The following AK8 variants were observed in gnomAD, a reference collection of about 807,000 sequenced individuals.
The protein encoded by AK8 is adenylate kinase 8.
A neutral mutation model predicts 54.6 loss-of-function variants in AK8; 44 were observed. That is an observed-to-expected ratio of 0.81 (90% CI 0.63 to 1.04). The LOEUF (loss-of-function observed/expected upper bound fraction) is 1.04. Ranked by LOEUF, AK8 falls within the 50% of genes least tolerant of loss-of-function variation. AK8 has a pLI of 0.00. For synonymous variants in AK8, 239 were observed against 245.6 expected, an observed-to-expected ratio of 0.97 and a Z score of 0.25; for missense variants, 555 against 613.6, an observed-to-expected ratio of 0.90 and a Z score of 1.01.
At chr9:132,834,694 A>AT (rs1448373919) in intron 5 of AK8, among the ~76,000 whole-genome samples, 5 of 152,086 alleles carry the variant, frequency 3.3e-5, no homozygotes, top group African/African-American at 7.2e-5. Context: ...TGCAGGAGTG[A>AT]TTTTTCTAAA....
chr9:132,842,864 T>C (rs560679519), intron 5 of AK8, among the ~76,000 whole-genome samples: 73 of 152,356 alleles, frequency 4.8e-4, no homozygotes, highest in Non-Finnish European at 9.4e-4. Flanking sequence ...TGCTAGGGGC[T>C]GGAGGCCCCT....
chr9:132,823,056 A>C, intron 9 of AK8, 149 bp downstream of exon 9: 1 of 1,149,312 alleles, frequency 8.7e-7, no homozygotes, highest in Non-Finnish European at 1.2e-6. Context: ...GGACTAACAG[A>C]AAATGGTTAA....
Position 132,725,905 on chromosome 9 carries a change from G to A in AK8, c.1223C>T (p.Pro408Leu). 6.2e-7 allele frequency: 1 copy of A among 1,611,744 alleles called. No homozygotes were observed. Among genetic ancestry groups the A allele is most frequent in the Non-Finnish European group, 8.5e-7 (1 of 1,179,690 alleles). Residue 408 changes from proline to leucine, a missense_variant, in exon 13 of 13, where the codon CCA (proline) becomes CTA (leucine). By Grantham distance (98) the Pro-to-Leu change is moderately conservative. Transcript: ENST00000298545. The stretch of plus-strand genomic sequence containing the variant: ...AGCCTGGATCTCCATGGTGGGAGGT[G>A]GCTTGTACATGAGGTGGTACCTGCA... ...TGERYHLMYK[P>L]PPTMEIQARL...
At chr9:132,854,971 T>C in intron 4 of AK8, 46 bp from the exon 5 acceptor site, 2 of 1,604,484 alleles carry the variant, frequency 1.2e-6, no homozygotes, top group South Asian at 2.2e-5. Context: ...ACCTGCTTCC[T>C]GCAGCTCAGG....
Position 132,826,998 on chromosome 9 carries a change from T to TCA in AK8, c.612_613insTG (p.Met205Ter). 6.2e-7 allele frequency: 1 copy of TCA among 1,614,020 alleles called. No individual in the cohort carries two copies. Among genetic ancestry groups the TCA allele is most frequent in the Admixed American group, 1.7e-5 (1 of 60,036 alleles). On this transcript the variant is annotated frameshift_variant, in exon 8 of 13. Transcript: ENST00000298545. LOFTEE classifies it high-confidence loss of function. The surrounding 1 kb of genome is among the most constrained non-coding windows in gnomAD (Gnocchi z 4.5). ...AGCTCTGAGATGTCCTCTGGCACCATGAGACGGTTCTGGATTTCAGATTCG... is the reference window on the plus strand; with the variant it reads ...AGCTCTGAGATGTCCTCTGGCACCATCAGAGACGGTTCTGGATTTCAGATTCG...
chr9:132,814,795 A>C, intron 9 of AK8, 68 bp from the exon 10 acceptor site: 1 of 1,408,872 alleles, frequency 7.1e-7, no homozygotes. Flanking sequence ...GAAAAAAAGA[A>C]CCCCCAGTGC....
chr9:132,804,588 CCT>C (rs1452364388), intron 10 of AK8, among the ~76,000 whole-genome samples: 1 of 152,082 alleles, frequency 6.6e-6, no homozygotes, highest in Non-Finnish European at 1.5e-5. Context: ...CAGGTACATC[CCT>C]CTGTATGTCA....
chr9:132,730,656 A>G (rs2130937952), intron 11 of AK8, among the ~76,000 whole-genome samples: 1 of 152,140 alleles, frequency 6.6e-6, no homozygotes, highest in East Asian at 1.9e-4. Context: ...GGCCCTGGTC[A>G]CTGGAATCCA....
At chr9:132,847,837 C>A (rs1188091368) in intron 5 of AK8, among the ~76,000 whole-genome samples, 1 of 151,856 alleles carries the variant, frequency 6.6e-6, no homozygotes, top group African/African-American at 2.4e-5. Context: ...AAAAATTAGC[C>A]GGGCATGGTG....
intron 9 of AK8, among the ~76,000 whole-genome samples, chr9:132,816,746 A>G (rs942371855): frequency 3.3e-5 from 5 of 152,214 alleles, no homozygotes; most frequent in African/African-American, 1.2e-4. Flanking sequence ...GGCAGGAAAC[A>G]TACAAAACGA....
At chr9:132,737,026 A>G (rs1334073032) in intron 11 of AK8, among the ~76,000 whole-genome samples, 3 of 152,086 alleles carry the variant, frequency 2.0e-5, no homozygotes, top group African/African-American at 7.2e-5. Context: ...TCAGTTTGGG[A>G]TGACAAAAAA....
Position 132,842,800 on chromosome 9 carries a change from T to C in AK8, c.402+12057A>G, listed in dbSNP as rs760910899. ...CCCTCTTCCCAGCTCATCTGGATTG[T>C]TGACAGAATCCATTTCCTTGCTGCC... On this transcript the variant is annotated intron_variant, in intron 5 of 12. Coordinates refer to ENST00000298545, the MANE Select transcript of AK8 (RefSeq NM_152572.3). Among the ~76,000 whole-genome samples, 3 of 152,242 alleles carry C rather than the reference T, an allele frequency of 2.0e-5. 1 individual carries two copies. Among genetic ancestry groups the C allele is most frequent in the East Asian group, 3.8e-4 (2 of 5,198 alleles).
chr9:132,864,914 G>A (rs1843526869), intron 3 of AK8, among the ~76,000 whole-genome samples: 1 of 152,196 alleles, frequency 6.6e-6, no homozygotes, highest in African/African-American at 2.4e-5. Flanking sequence ...GACTCCTCCA[G>A]AAAAACGAGT....
chr9:132,878,398 C>G (rs762190956), upstream of AK8: 194 of 1,241,940 alleles, frequency 1.6e-4, no homozygotes, highest in Non-Finnish European at 1.8e-4. The surrounding 1 kb of genome is among the most constrained non-coding windows in gnomAD (Gnocchi z 4.7). Flanking sequence ...CGGGTCGCCC[C>G]CGCCCCGACC....
chr9:132,740,693 C>T (rs148623050), intron 11 of AK8, among the ~76,000 whole-genome samples: 3 of 151,562 alleles, frequency 2.0e-5, no homozygotes, highest in Non-Finnish European at 4.4e-5. Flanking sequence ...CTGGCCTCCT[C>T]CAGTCTTAGA....
At chr9:132,734,556 T>G (rs1452038314) in intron 11 of AK8, among the ~76,000 whole-genome samples, 1 of 152,098 alleles carries the variant, frequency 6.6e-6, no homozygotes, top group East Asian at 1.9e-4. Context: ...GGCAACACAG[T>G]GAGACCCCAT....
At chr9:132,763,684 T>C (rs1838589568) in intron 11 of AK8, among the ~76,000 whole-genome samples, 1 of 152,258 alleles carries the variant, frequency 6.6e-6, no homozygotes, top group Admixed American at 6.5e-5. Context: ...ATCATTTTCC[T>C]TTTTCTGTCT....
intron 4 of AK8, among the ~76,000 whole-genome samples, chr9:132,862,086 T>C (rs1438339857): frequency 6.6e-6 from 1 of 152,200 alleles, no homozygotes; most frequent in African/African-American, 2.4e-5. Context: ...CAAGAAAGCT[T>C]ATCTTCTGCA....
intron 11 of AK8, among the ~76,000 whole-genome samples, chr9:132,774,844 T>C (rs73546947): frequency 0.023 from 3,436 of 152,268 alleles, 126 homozygotes; most frequent in African/African-American, 0.074. Context: ...TCTTCTCCAA[T>C]GTCTTATTCA....
Sources: gnomAD v4.1 joint callset for allele counts (sites outside exome capture counted in the v4.1 genomes callset) on GRCh38, gnomAD v4.1.1 for gene constraint, Gnocchi (gnomAD v3.1) non-coding constraint, MANE v1.5 for transcripts, NCBI Gene and HGNC (gene_info 2026-07-23, HGNC 2026-07-21) for gene names.